CLBA1: variants seen among roughly 807,000 people sequenced by gnomAD.
CLBA1 encodes the protein uncharacterized protein CLBA1.
In CLBA1, 30 loss-of-function variants were observed where a neutral mutation model predicts 28.8. That is an observed-to-expected ratio of 1.04 (90% CI 0.78 to 1.41). CLBA1 has a LOEUF of 1.41. CLBA1 is among the 40% of genes most tolerant of loss of function. The probability of loss-of-function intolerance (pLI) is 0.00; values close to 1 mark genes in which losing one functional copy is unlikely to be tolerated. For synonymous variants in CLBA1, 160 were observed against 152.8 expected (o/e 1.05, Z -0.35); for missense variants, 451 against 412.3 (o/e 1.09, Z -0.81).
chr14:104,988,582 G>T (rs1354634377), intron 1 of CLBA1, among the ~76,000 whole-genome samples: 1 of 152,150 alleles, frequency 6.6e-6, no homozygotes, highest in Admixed American at 6.5e-5. Flanking sequence ...CTCGTGATCT[G>T]CCCACCTGGG....
intron 2 of CLBA1, 59 bp from the exon 3 acceptor site, chr14:104,991,432 T>C (rs1900015824): frequency 1.9e-6 from 3 of 1,606,114 alleles, no homozygotes; most frequent in Non-Finnish European, 2.6e-6. Flanking sequence ...GGGCCGTGCC[T>C]CATGATCTCC....
At position 104,993,051 on chromosome 14, in the gene CLBA1, T is replaced by C; in HGVS notation, c.803T>C (p.Leu268Pro). Residue 268 changes from leucine (L) to proline (P), a missense_variant, in exon 4 of 5, where the codon CTG (leucine) becomes CCG (proline). Leu to Pro is a moderately conservative substitution (Grantham distance 98). Coordinates refer to ENST00000547315, the MANE Select transcript of CLBA1 (RefSeq NM_174891.4). ...TTCTGTCTCCAGCATTGCAAAGCCC[T>C]GATCCAGACCAAGGTGAGTGGTCAC... ...SSFCLQHCKALIQTKLSGPPG... is the reference protein window; with the variant it reads ...SSFCLQHCKAPIQTKLSGPPG... 1 of 1,613,846 alleles carries C rather than the reference T, an allele frequency of 6.2e-7. No individual in the cohort carries two copies. The highest frequency in any genetic ancestry group is 1.3e-5 in the African/African-American group (1 of 75,052).
chr14:104,994,147 T>C (rs1046178516), intron 4 of CLBA1: 18 of 985,336 alleles, frequency 1.8e-5, no homozygotes, highest in African/African-American at 3.5e-5. Flanking sequence ...AGGGTTATCC[T>C]AGAGCAGCAG....
Sources: gnomAD v4.1 joint callset for allele counts (sites outside exome capture counted in the v4.1 genomes callset) on GRCh38, gnomAD v4.1.1 for gene constraint, MANE v1.5 for transcripts, NCBI Gene and HGNC (gene_info 2026-07-23, HGNC 2026-07-21) for gene names.